Variants in CSMD3 observed in about 807,000 individuals in gnomAD.
CSMD3 encodes the protein CUB and Sushi multiple domains 3.
A neutral mutation model predicts 435.2 loss-of-function variants in CSMD3; 177 were observed. The observed-to-expected ratio is 0.41, with a 90% CI of 0.36 to 0.46. The LOEUF is 0.46. CSMD3 is among the 20% of genes least tolerant of loss of function. CSMD3 has a pLI of 0.34. For synonymous variants in CSMD3, 1,656 were observed against 1,520.5 expected, an observed-to-expected ratio of 1.09 and a Z score of -2.07; for missense variants, 4,265 against 4,504.6, an observed-to-expected ratio of 0.95 and a Z score of 1.52.
intron 27 of CSMD3, among the ~76,000 whole-genome samples, chr8:112,537,144 A>G (rs1355965990): frequency 6.6e-6 from 1 of 152,086 alleles, no homozygotes; most frequent in African/African-American, 2.4e-5. Context: ...CATTGTGCAC[A>G]TGTACCCTAA....
chr8:112,997,557 A>G (rs1337802828), intron 6 of CSMD3, among the ~76,000 whole-genome samples: 1 of 151,662 alleles, frequency 6.6e-6, no homozygotes, highest in Non-Finnish European at 1.5e-5. Context: ...ATACAACTGT[A>G]AAGAATAAAT....
intron 6 of CSMD3, among the ~76,000 whole-genome samples, chr8:112,977,553 G>A (rs921487496): frequency 1.3e-5 from 2 of 151,900 alleles, no homozygotes; most frequent in South Asian, 2.1e-4. Flanking sequence ...AGGAAGAAAG[G>A]AAGTCAAACC....
chr8:112,835,118 C>G (rs371098185), intron 11 of CSMD3, among the ~76,000 whole-genome samples: 1 of 151,618 alleles, frequency 6.6e-6, no homozygotes. Flanking sequence ...TAACATAATG[C>G]TTTTTAACAC....
chr8:112,494,572 T>TTTC (rs1821146489), intron 30 of CSMD3, among the ~76,000 whole-genome samples: 5 of 130,944 alleles, frequency 3.8e-5, no homozygotes, highest in East Asian at 2.2e-4. Flanking sequence ...TCTTTCTTTC[T>TTTC]TTTCTTTCTT....
At chr8:112,507,851 G>C (rs561783676) in intron 28 of CSMD3, among the ~76,000 whole-genome samples, 53 of 151,998 alleles carry the variant, frequency 3.5e-4, no homozygotes, top group African/African-American at 1.2e-3. Flanking sequence ...TCTTGTCTCA[G>C]TACCTGAGTC....
At chr8:112,926,959 T>C (rs1329653480) in intron 9 of CSMD3, among the ~76,000 whole-genome samples, 2 of 152,126 alleles carry the variant, frequency 1.3e-5, no homozygotes, top group African/African-American at 2.4e-5. Context: ...ATTATCACTG[T>C]ACAAATAGAA....
intron 20 of CSMD3, among the ~76,000 whole-genome samples, chr8:112,641,947 T>C (rs1163732508): frequency 6.6e-6 from 1 of 152,118 alleles, no homozygotes; most frequent in African/African-American, 2.4e-5. Flanking sequence ...ATAGACATTT[T>C]GGAAAGAAGG....
At chr8:113,183,193 T>C (rs1018771372) in intron 3 of CSMD3, among the ~76,000 whole-genome samples, 1 of 152,148 alleles carries the variant, frequency 6.6e-6, no homozygotes, top group Middle Eastern at 3.4e-3. Context: ...TGGTAAAATT[T>C]GAAGTGGGTG....
intron 10 of CSMD3, among the ~76,000 whole-genome samples, chr8:112,865,162 A>G (rs1335094532): frequency 6.6e-6 from 1 of 152,220 alleles, no homozygotes; most frequent in African/African-American, 2.4e-5. Flanking sequence ...ATGCCTAGGA[A>G]TAATGTTAAG....
intron 27 of CSMD3, among the ~76,000 whole-genome samples, chr8:112,529,193 C>T (rs915202183): frequency 2.6e-5 from 4 of 152,128 alleles, no homozygotes; most frequent in African/African-American, 7.2e-5. Flanking sequence ...CAACTATTTG[C>T]CAGTCTTAGA....
rs533296567 is a variant in CSMD3 at position 112,864,071 on chromosome 8, A to T, written c.1634-4805T>A. Among the ~76,000 whole-genome samples the T allele has an allele frequency of 9.2e-5, 14 of 152,288 alleles. 1 individual carries two copies. In the South Asian group the frequency reaches 2.7e-3, roughly 29 times the overall value. On this transcript the variant is annotated intron_variant, in intron 10 of 70. Transcript: ENST00000297405. ...TTTGAAGAGTTACATAATTTGAATA[A>T]GAAACACATGTCATTATTTACATGC...
At chr8:112,538,329 A>G (rs1826335239) in intron 27 of CSMD3, among the ~76,000 whole-genome samples, 1 of 152,132 alleles carries the variant, frequency 6.6e-6, no homozygotes, top group African/African-American at 2.4e-5. Context: ...TTTATTCATC[A>G]TAGTACTAAA....
chr8:113,301,305 T>C (rs536988671), intron 2 of CSMD3, among the ~76,000 whole-genome samples: 1 of 152,272 alleles, frequency 6.6e-6, no homozygotes, highest in African/African-American at 2.4e-5. Context: ...ATAAATTGTA[T>C]TCTTAAAATA....
At chr8:113,110,307 C>A (rs1042886508) in intron 4 of CSMD3, among the ~76,000 whole-genome samples, 4 of 152,094 alleles carry the variant, frequency 2.6e-5, no homozygotes, top group Admixed American at 6.6e-5. Flanking sequence ...TCATTTCTTT[C>A]TTTTCCTATT....
chr8:112,439,537 AT>A (rs1411054813), intron 32 of CSMD3, among the ~76,000 whole-genome samples: 2 of 152,194 alleles, frequency 1.3e-5, no homozygotes, highest in African/African-American at 4.8e-5. Context: ...ATACCTTTGT[AT>A]ACAAAAATAC....
At position 112,766,730 on chromosome 8, in the gene CSMD3, G is replaced by A. The variant is rs1331772764; in HGVS notation, c.1972+33432C>T. On this transcript the variant is annotated intron_variant, in intron 13 of 70. Coordinates refer to ENST00000297405, the MANE Select transcript of CSMD3 (RefSeq NM_198123.2). Reference sequence around the variant, plus strand: ...CTTTGATAGTTGGCCACTTTGCTATGACCAGGGGGCAAGTTAATGAAAAAG... The same window carrying A: ...CTTTGATAGTTGGCCACTTTGCTATAACCAGGGGGCAAGTTAATGAAAAAG... Among the ~76,000 whole-genome samples the A allele has an allele frequency of 3.3e-5, 5 of 151,792 alleles. No individual in the cohort carries two copies. In the South Asian group the frequency reaches 1.0e-3, roughly 31 times the overall value.
At chr8:112,287,482 T>C (rs1348047655) in intron 57 of CSMD3, among the ~76,000 whole-genome samples, 1 of 152,120 alleles carries the variant, frequency 6.6e-6, no homozygotes, top group Non-Finnish European at 1.5e-5. Flanking sequence ...TTGGAGACGT[T>C]AAATAGGTTA....
intron 1 of CSMD3, among the ~76,000 whole-genome samples, chr8:113,381,832 C>G (rs2133107475): frequency 6.6e-6 from 1 of 152,140 alleles, no homozygotes; most frequent in African/African-American, 2.4e-5. Context: ...ACAGAGATAA[C>G]CTATGCTACT....
rs566308526 is a variant in CSMD3 at position 112,337,274 on chromosome 8, A to T, written c.6841+269T>A. 5.3e-5 allele frequency among the ~76,000 whole-genome samples: 8 copies of T among 152,252 alleles called. No individual in the cohort carries two copies. In the South Asian group the frequency reaches 1.7e-3, roughly 32 times the overall value. On this transcript the variant is annotated intron_variant, in intron 43 of 70. Transcript: ENST00000297405. Reference sequence around the variant, plus strand: ...ATGACTTAAATGCATACAAACCCACATGCACCCCCTTCCCTTCCCCACACA... The same window carrying T: ...ATGACTTAAATGCATACAAACCCACTTGCACCCCCTTCCCTTCCCCACACA...
Sources: allele counts gnomAD v4.1 joint callset (sites outside exome capture counted in the v4.1 genomes callset), GRCh38; gene constraint gnomAD v4.1.1; transcripts MANE v1.5; gene names NCBI Gene and HGNC (gene_info 2026-07-23, HGNC 2026-07-21).